NMT2: variants seen among roughly 807,000 people sequenced by gnomAD.
NMT2 encodes the protein glycylpeptide N-tetradecanoyltransferase 2.
Under a neutral mutation model 65.4 loss-of-function variants are expected in NMT2, and 35 were observed. That is an observed-to-expected ratio of 0.54 (90% CI 0.41 to 0.71). The LOEUF (loss-of-function observed/expected upper bound fraction) is 0.71, where lower values mean the gene tolerates loss of function less well. NMT2 is among the 30% of genes least tolerant of loss of function. The pLI, the probability that NMT2 is intolerant of heterozygous loss-of-function variation, is 0.00. For synonymous variants in NMT2, 226 were observed against 231.8 expected (o/e 0.98, Z 0.23); for missense variants, 489 against 611.3 (o/e 0.80, Z 2.11).
At position 15,132,714 on chromosome 10, in the gene NMT2, C is replaced by T. The variant is rs999440679; in HGVS notation, c.719+103G>A. The T allele has an allele frequency of 5.1e-6, 4 of 784,922 alleles. No individual in the cohort carries two copies. In the African/African-American group the frequency reaches 5.2e-5, roughly 10 times the overall value. 48.6% of individuals were successfully genotyped at this position (784,922 alleles called of 1,614,324 possible). Reference sequence around the variant, plus strand: ...AAGTGCTGGGATTAGAGGTGTGAGCCACTGCGCTTGGCCTGCATTCAGTAA... The same window carrying T: ...AAGTGCTGGGATTAGAGGTGTGAGCTACTGCGCTTGGCCTGCATTCAGTAA... On this transcript the variant is annotated intron_variant, in intron 6 of 11. Coordinates refer to ENST00000378165, the MANE Select transcript of NMT2 (RefSeq NM_004808.3).
intron 1 of NMT2, among the ~76,000 whole-genome samples, chr10:15,150,801 A>G (rs944174872): frequency 7.9e-5 from 12 of 152,186 alleles, no homozygotes; most frequent in African/African-American, 2.9e-4. Context: ...TTAGCAGCAG[A>G]GGATGCCTAG....
At chr10:15,121,181 A>G (rs1188296901) in intron 8 of NMT2, among the ~76,000 whole-genome samples, 1 of 152,228 alleles carries the variant, frequency 6.6e-6, no homozygotes, top group East Asian at 1.9e-4. Context: ...CACTAGATAC[A>G]TTTTAAGAGA....
chr10:15,135,338 C>T lies in NMT2; in HGVS notation c.327G>A (p.Arg109=). The stretch of plus-strand genomic sequence containing the variant: ...TGTGCTTTGCAGCCTCATCAATGTT[C>T]CTGGCTGGGCCCTGGCATGCGGATA... ...ELLSACQGPA[R]NIDEAAKHRY... is the part of the protein sequence containing the mutation. The change falls in exon 3 of 12, where the codon AGG becomes AGA. Residue 109 remains arginine, a synonymous_variant. Transcript: ENST00000378165. 1 of 1,614,126 alleles carries T rather than the reference C, an allele frequency of 6.2e-7. No individual in the cohort carries two copies. The highest frequency in any genetic ancestry group is 8.5e-7 in the Non-Finnish European group (1 of 1,180,022).
chr10:15,109,335 G>A (rs1222463833), intron 11 of NMT2, 120 bp from the exon 12 acceptor site: 2 of 1,262,624 alleles, frequency 1.6e-6, no homozygotes, highest in Admixed American at 2.5e-5. Context: ...GGCACTTTGG[G>A]AGGCCAAGGC....
At chr10:15,146,652 T>A (rs1444525231) in intron 1 of NMT2, among the ~76,000 whole-genome samples, 1 of 152,182 alleles carries the variant, frequency 6.6e-6, no homozygotes, top group East Asian at 1.9e-4. Flanking sequence ...GATGACAGAA[T>A]GAAGGAGAAC....
intron 6 of NMT2, among the ~76,000 whole-genome samples, chr10:15,130,723 A>AAAAAG (rs1846252182): frequency 1.4e-5 from 2 of 147,890 alleles, no homozygotes; most frequent in Non-Finnish European, 3.0e-5. Context: ...AAAAAAAAAA[A>AAAAAG]AAAAGAAAAG....
At chr10:15,125,917 G>A (rs763932506) in intron 8 of NMT2, among the ~76,000 whole-genome samples, 2 of 151,932 alleles carry the variant, frequency 1.3e-5, no homozygotes, top group Non-Finnish European at 2.9e-5. Context: ...TGCCCGCCTT[G>A]GCCTCCCAAA....
rs1273254012 is a variant in NMT2 at position 15,168,550 on chromosome 10, C to A, written c.63G>T (p.Thr21=). 2 of 1,594,930 alleles carry A rather than the reference C, an allele frequency of 1.3e-6. No homozygotes were observed. The highest frequency in any genetic ancestry group is 3.4e-5 in the Admixed American group (2 of 59,028). Residue 21 remains threonine (T), a synonymous_variant, in exon 1 of 12, where the codon ACG becomes ACT. Transcript: ENST00000378165. The stretch of plus-strand genomic sequence containing the variant: ...CCTCATTGTCCCCGTCTATCCCGCA[C>A]GTGTCCTGGTCGTCCAGTTCCAGGC... ...QQSLELDDQD[T]CGIDGDNEEE... is the part of the protein sequence containing the mutation.
intron 1 of NMT2, among the ~76,000 whole-genome samples, chr10:15,151,203 C>T (rs1324491161): frequency 6.6e-6 from 1 of 152,102 alleles, no homozygotes; most frequent in Non-Finnish European, 1.5e-5. Flanking sequence ...GGATTACAGG[C>T]ATGCGCCACC....
chr10:15,134,626 C>T (rs532635744), intron 3 of NMT2, among the ~76,000 whole-genome samples: 3 of 152,272 alleles, frequency 2.0e-5, no homozygotes, highest in Non-Finnish European at 4.4e-5. Context: ...TCAACAGACA[C>T]CTGCTCCATG....
At chr10:15,144,574 A>G (rs1321789283) in intron 1 of NMT2, among the ~76,000 whole-genome samples, 2 of 152,182 alleles carry the variant, frequency 1.3e-5, no homozygotes, top group Non-Finnish European at 2.9e-5. Context: ...TACTAAAAAT[A>G]CAAAAAATTT....
chr10:15,115,439 A>C (rs1305215848), intron 9 of NMT2, among the ~76,000 whole-genome samples: 1 of 152,240 alleles, frequency 6.6e-6, no homozygotes, highest in African/African-American at 2.4e-5. Flanking sequence ...AACCATCATA[A>C]AAACTATACA....
chr10:15,138,823 C>T (rs1247278387), intron 2 of NMT2, among the ~76,000 whole-genome samples: 1 of 152,064 alleles, frequency 6.6e-6, no homozygotes, highest in Non-Finnish European at 1.5e-5. Context: ...CATCTTAAGA[C>T]AATACTGACT....
At chr10:15,135,669 G>C (rs1272414887) in intron 2 of NMT2, among the ~76,000 whole-genome samples, 2 of 152,140 alleles carry the variant, frequency 1.3e-5, no homozygotes, top group African/African-American at 2.4e-5. Flanking sequence ...AGCACGCTTT[G>C]CTTCAGTTTC....
chr10:15,141,641 A>G, intron 1 of NMT2, 84 bp from the exon 2 acceptor site: 1 of 1,478,234 alleles, frequency 6.8e-7, no homozygotes, highest in Non-Finnish European at 9.0e-7. Context: ...TAATCATTTC[A>G]AAAAACACAG....
At chr10:15,165,435 A>C (rs7896791) in intron 1 of NMT2, among the ~76,000 whole-genome samples, 27,453 of 152,130 alleles carry the variant, frequency 0.18, 3,109 homozygotes, top group African/African-American at 0.32. Flanking sequence ...CTAATTGCCA[A>C]ACATTGTTTG....
chr10:15,159,396 A>ATATTTATT (rs112463294), intron 1 of NMT2, among the ~76,000 whole-genome samples: 12,987 of 149,242 alleles, frequency 0.087, 607 homozygotes, highest in Middle Eastern at 0.19. Flanking sequence ...CCTCCTTAAA[A>ATATTTATT]TATTTATTTA....
chr10:15,123,421 CAGG>C (rs1564565810), intron 8 of NMT2, among the ~76,000 whole-genome samples: 1 of 150,634 alleles, frequency 6.6e-6, no homozygotes, highest in African/African-American at 2.4e-5. Context: ...CCCAGCTACT[CAGG>C]AGGCTGAGGC....
intron 1 of NMT2, among the ~76,000 whole-genome samples, chr10:15,157,864 T>C (rs1363352916): frequency 6.6e-6 from 1 of 152,202 alleles, no homozygotes. Context: ...AAATTACTCT[T>C]ATTGAGAGTC....
Sources: allele counts gnomAD v4.1 joint callset (sites outside exome capture counted in the v4.1 genomes callset), GRCh38; gene constraint gnomAD v4.1.1; transcripts MANE v1.5; gene names NCBI Gene and HGNC (gene_info 2026-07-23, HGNC 2026-07-21).